The following CALN1 variants were observed in gnomAD, a reference collection of about 807,000 sequenced individuals.
CALN1 encodes calcium-binding protein 8.
CALN1 carries 17 observed loss-of-function variants against 30.6 expected under a neutral mutation model. The ratio of observed to expected loss-of-function variants is 0.56; its 90% CI spans 0.38 to 0.83. CALN1 has a LOEUF of 0.83. Among genes scored for constraint, CALN1 ranks in the 40% least tolerant of loss-of-function variants. The probability of loss-of-function intolerance (pLI) is 0.00; values close to 1 mark genes in which losing one functional copy is unlikely to be tolerated. For missense variants in CALN1, 291 were observed against 354.9 expected (o/e 0.82, Z 1.45); for synonymous variants, 156 against 131.4 (o/e 1.19, Z -1.28).
At chr7:71,811,011 CA>C (rs2116204182) in intron 5 of CALN1, among the ~76,000 whole-genome samples, 1 of 151,868 alleles carries the variant, frequency 6.6e-6, no homozygotes, top group East Asian at 1.9e-4. Context: ...TCTCCTGCCT[CA>C]GCCTCCGTAG....
At chr7:72,060,890 C>T (rs1008740847) in intron 4 of CALN1, among the ~76,000 whole-genome samples, 3 of 152,230 alleles carry the variant, frequency 2.0e-5, no homozygotes, top group Admixed American at 2.0e-4. Flanking sequence ...GCCTACAGAA[C>T]TGTGAGCCAA....
intron 2 of CALN1, among the ~76,000 whole-genome samples, chr7:72,334,577 C>T (rs1353989067): frequency 6.6e-6 from 1 of 152,034 alleles, no homozygotes; most frequent in Non-Finnish European, 1.5e-5. Flanking sequence ...AAGTCTTGCC[C>T]ATCGTTTCTC....
chr7:72,048,270 C>G (rs1236943332), intron 4 of CALN1, among the ~76,000 whole-genome samples: 1 of 152,088 alleles, frequency 6.6e-6, no homozygotes, highest in Non-Finnish European at 1.5e-5. Context: ...AACTCTTGAG[C>G]TCAAGTGATC....
intron 5 of CALN1, among the ~76,000 whole-genome samples, chr7:71,946,006 C>T (rs141751341): frequency 9.9e-5 from 15 of 152,268 alleles, no homozygotes; most frequent in African/African-American, 3.4e-4. Flanking sequence ...TCCCCATGAA[C>T]GGAATTCTGC....
chr7:71,986,082 T>A (rs1028846160), intron 5 of CALN1, among the ~76,000 whole-genome samples: 1 of 151,262 alleles, frequency 6.6e-6, no homozygotes, highest in Admixed American at 6.6e-5. Context: ...AGAGTCTTGC[T>A]CTGCACCTAG....
At chr7:72,299,355 A>G (rs1390911757) in intron 2 of CALN1, among the ~76,000 whole-genome samples, 1 of 152,242 alleles carries the variant, frequency 6.6e-6, no homozygotes, top group East Asian at 1.9e-4. Context: ...GCAGTAAAGC[A>G]TGAACACAAT....
At chr7:72,409,590 T>C (rs546087280) in intron 1 of CALN1, among the ~76,000 whole-genome samples, 4 of 152,068 alleles carry the variant, frequency 2.6e-5, no homozygotes, top group South Asian at 2.1e-4. Context: ...CCAAAGTCTT[T>C]CATGGATTTG....
intron 5 of CALN1, among the ~76,000 whole-genome samples, chr7:71,834,624 G>C (rs1230560214): frequency 6.6e-6 from 1 of 152,138 alleles, no homozygotes; most frequent in South Asian, 2.1e-4. Context: ...AAAATACTCA[G>C]AATATCCTTG....
chr7:72,128,382 GA>G (rs1230959777), intron 3 of CALN1, among the ~76,000 whole-genome samples: 4 of 151,976 alleles, frequency 2.6e-5, no homozygotes, highest in African/African-American at 9.7e-5. Context: ...TAGATACCTG[GA>G]AAAAAGTAAG....
At chr7:72,388,246 C>T (rs1278571655) in intron 2 of CALN1, among the ~76,000 whole-genome samples, 1 of 152,032 alleles carries the variant, frequency 6.6e-6, no homozygotes, top group African/African-American at 2.4e-5. Context: ...TTATTGTATC[C>T]ATTAAAAAAT....
At chr7:72,426,048 C>A (rs1040501249) in intron 1 of CALN1, among the ~76,000 whole-genome samples, 4 of 152,242 alleles carry the variant, frequency 2.6e-5, no homozygotes, top group Admixed American at 2.0e-4. Context: ...ATGGGGTGTG[C>A]TGGCACCTAG....
intron 3 of CALN1, among the ~76,000 whole-genome samples, chr7:72,121,790 T>C (rs1033005010): frequency 6.9e-6 from 1 of 144,636 alleles, no homozygotes; most frequent in Non-Finnish European, 1.5e-5. Context: ...AAGCATATTA[T>C]AATATGTGTT....
chr7:72,324,433 T>A (rs1005172856), intron 2 of CALN1, among the ~76,000 whole-genome samples: 3 of 152,062 alleles, frequency 2.0e-5, no homozygotes, highest in African/African-American at 7.2e-5. Flanking sequence ...CAATCATACC[T>A]GCCTCTTGCA....
At chr7:71,855,898 C>A (rs1030849736) in intron 5 of CALN1, among the ~76,000 whole-genome samples, 5 of 152,094 alleles carry the variant, frequency 3.3e-5, no homozygotes, top group African/African-American at 1.2e-4. Context: ...GAATGCAGTG[C>A]TTTTTCATTT....
At chr7:72,168,716 A>ACC (rs1177437690) in intron 3 of CALN1, among the ~76,000 whole-genome samples, 1 of 151,188 alleles carries the variant, frequency 6.6e-6, no homozygotes, top group African/African-American at 2.4e-5. Context: ...ATGCCATACT[A>ACC]CCCTTCCTCT....
At chr7:72,038,318 C>T (rs9647948) in intron 4 of CALN1, among the ~76,000 whole-genome samples, 30,338 of 152,034 alleles carry the variant, frequency 0.2, 3,718 homozygotes, top group Middle Eastern at 0.31. Context: ...CTCCAGAATT[C>T]CCATTACATC....
intron 2 of CALN1, among the ~76,000 whole-genome samples, chr7:72,338,187 G>A (rs747946076): frequency 1.3e-5 from 2 of 152,120 alleles, no homozygotes; most frequent in African/African-American, 4.8e-5. Flanking sequence ...AATAAAGAAA[G>A]AGCAACAAAC....
chr7:71,820,614 GC>G (rs1788532193), intron 5 of CALN1, among the ~76,000 whole-genome samples: 1 of 152,172 alleles, frequency 6.6e-6, no homozygotes, highest in East Asian at 1.9e-4. Flanking sequence ...TCCAGTCACT[GC>G]TTTTAACTCT....
At chr7:72,027,729 AC>A (rs369913027) in intron 4 of CALN1, among the ~76,000 whole-genome samples, 35,950 of 76,978 alleles carry the variant, frequency 0.47, 6,225 homozygotes, top group African/African-American at 0.63. Context: ...ACAAACAAAC[AC>A]ACACACACAC....
Sources: gnomAD v4.1 joint callset for allele counts (sites outside exome capture counted in the v4.1 genomes callset) on GRCh38, gnomAD v4.1.1 for gene constraint, MANE v1.5 for transcripts, NCBI Gene and HGNC (gene_info 2026-07-23, HGNC 2026-07-21) for gene names.